Variants in IQCM observed in about 807,000 individuals in gnomAD.
The protein encoded by IQCM is IQ domain-containing protein M.
In IQCM, 45 loss-of-function variants were observed where a neutral mutation model predicts 57.6. The observed-to-expected ratio is 0.78, with a 90% confidence interval of 0.62 to 1.00. IQCM has a LOEUF of 1.00. IQCM is among the 50% of genes least tolerant of loss of function. IQCM has a pLI of 0.00. For missense variants in IQCM, 468 were observed against 511.6 expected (o/e 0.91, Z 0.82); for synonymous variants, 148 against 158.9 (o/e 0.93, Z 0.51).
intron 5 of IQCM, among the ~76,000 whole-genome samples, chr4:149,705,603 T>C (rs1580069232): frequency 1.3e-5 from 2 of 151,982 alleles, no homozygotes; most frequent in African/African-American, 4.8e-5. Context: ...AGGCAAAAAT[T>C]ATAATTTAAC....
At chr4:149,469,243 G>A (rs774872834) in intron 12 of IQCM, among the ~76,000 whole-genome samples, 10 of 152,148 alleles carry the variant, frequency 6.6e-5, no homozygotes, top group Admixed American at 2.0e-4. Context: ...TTAGACAAAT[G>A]GCTAACTAGA....
intron 7 of IQCM, among the ~76,000 whole-genome samples, chr4:149,651,431 A>G (rs978234387): frequency 1.3e-5 from 2 of 152,180 alleles, no homozygotes; most frequent in African/African-American, 4.8e-5. Flanking sequence ...GCTAGGAGAA[A>G]TAAAGGCTAA....
intron 8 of IQCM, among the ~76,000 whole-genome samples, chr4:149,616,737 C>A (rs1472831412): frequency 6.6e-6 from 1 of 151,708 alleles, no homozygotes; most frequent in Non-Finnish European, 1.5e-5. Context: ...TGGGCGGCAG[C>A]GGGGTGTGGG....
chr4:149,424,553 G>C (rs1734336600), intron 13 of IQCM, among the ~76,000 whole-genome samples: 1 of 151,560 alleles, frequency 6.6e-6, no homozygotes, highest in Admixed American at 6.6e-5. Context: ...AAGTCCACTG[G>C]ATTCACAAAA....
chr4:149,390,057 A>G (rs1197888164), intron 13 of IQCM, among the ~76,000 whole-genome samples: 1 of 152,034 alleles, frequency 6.6e-6, no homozygotes, highest in Non-Finnish European at 1.5e-5. Context: ...CAGGTTGGAG[A>G]GACCACCATC....
At chr4:149,376,151 G>C (rs1730688260) in intron 13 of IQCM, among the ~76,000 whole-genome samples, 1 of 152,094 alleles carries the variant, frequency 6.6e-6, no homozygotes, top group Non-Finnish European at 1.5e-5. Context: ...CATACATTTT[G>C]ATTTTGCTTT....
chr4:149,811,385 C>T (rs1774554555), intron 2 of IQCM, among the ~76,000 whole-genome samples: 1 of 152,056 alleles, frequency 6.6e-6, no homozygotes, highest in African/African-American at 2.4e-5. Flanking sequence ...ATGTTTGTGG[C>T]ATCATTCTAA....
chr4:149,641,966 A>T (rs1758231883), intron 7 of IQCM, among the ~76,000 whole-genome samples: 1 of 152,196 alleles, frequency 6.6e-6, no homozygotes, highest in Non-Finnish European at 1.5e-5. Context: ...TTCACTGTAG[A>T]TAAATTAACC....
intron 4 of IQCM, 67 bp from the exon 5 acceptor site, chr4:149,733,575 T>C (rs1309998353): frequency 3.9e-6 from 3 of 774,744 alleles, no homozygotes; most frequent in South Asian, 7.0e-5. Context: ...AATAAAGTTA[T>C]ATATTTTATT....
chr4:149,405,377 G>T lies in IQCM; in HGVS notation c.1390+28019C>A, dbSNP rs146598251. On this transcript the variant is annotated intron_variant, in intron 13 of 13. Transcript: ENST00000636793. Reference sequence around the variant, plus strand: ...ATTAGAGATGGAGATAAGTAAACACGCAAGAAGAACATCACACACTGGGGC... The same window carrying T: ...ATTAGAGATGGAGATAAGTAAACACTCAAGAAGAACATCACACACTGGGGC... Among the ~76,000 whole-genome samples the T allele has an allele frequency of 2.6e-3, 392 of 151,446 alleles. 4 individuals are homozygous for T. The highest frequency in any genetic ancestry group is 0.01 in the Middle Eastern group (3 of 294).
At chr4:149,797,499 G>T (rs1354497080) in intron 2 of IQCM, among the ~76,000 whole-genome samples, 1 of 152,054 alleles carries the variant, frequency 6.6e-6, no homozygotes, top group Non-Finnish European at 1.5e-5. Context: ...GGGGTGGAAA[G>T]CTTATTCAAG....
chr4:149,797,305 G>A (rs1212521829), intron 2 of IQCM, among the ~76,000 whole-genome samples: 1 of 152,060 alleles, frequency 6.6e-6, no homozygotes, highest in African/African-American at 2.4e-5. Flanking sequence ...TTCTTTAGTA[G>A]CAGAACTGAT....
intron 2 of IQCM, among the ~76,000 whole-genome samples, chr4:149,769,441 T>C (rs997212313): frequency 1.3e-5 from 2 of 151,760 alleles, no homozygotes; most frequent in Non-Finnish European, 2.9e-5. Context: ...AGCATGTTAA[T>C]GGGGCACACA....
chr4:149,388,483 T>C lies in IQCM; in HGVS notation c.1391-36417A>G, dbSNP rs538446787. ...TCTTTTCATATGCTTATTGGACACATACATATATGTCCAAATATATATATA... is the reference window on the plus strand; with the variant it reads ...TCTTTTCATATGCTTATTGGACACACACATATATGTCCAAATATATATATA... On this transcript the variant is annotated intron_variant, in intron 13 of 13. Transcript: ENST00000636793. Among the ~76,000 whole-genome samples the C allele has an allele frequency of 1.9e-3, 277 of 145,584 alleles. 2 individuals carry two copies. Among genetic ancestry groups the C allele is most frequent in the Middle Eastern group, 0.011 (3 of 276 alleles).
intron 9 of IQCM, among the ~76,000 whole-genome samples, chr4:149,568,919 G>A (rs1750893119): frequency 1.3e-5 from 2 of 152,272 alleles, no homozygotes; most frequent in African/African-American, 2.4e-5. Context: ...AAGAGGTGGA[G>A]TCTATTCACC....
intron 5 of IQCM, among the ~76,000 whole-genome samples, chr4:149,687,585 C>A (rs1409134067): frequency 6.6e-6 from 1 of 151,562 alleles, no homozygotes; most frequent in Non-Finnish European, 1.5e-5. Context: ...AAAGAGTGAA[C>A]CCTAATTCAT....
At chr4:149,795,461 C>T (rs1364016803) in intron 2 of IQCM, among the ~76,000 whole-genome samples, 1 of 152,184 alleles carries the variant, frequency 6.6e-6, no homozygotes, top group African/African-American at 2.4e-5. Flanking sequence ...CGAGCCTCAC[C>T]ACTGCAGGCT....
At chr4:149,392,292 C>T (rs750729496) in intron 13 of IQCM, among the ~76,000 whole-genome samples, 3 of 151,842 alleles carry the variant, frequency 2.0e-5, no homozygotes, top group African/African-American at 4.8e-5. Context: ...CAAAAATAAA[C>T]GGAGATACAT....
At chr4:149,572,034 A>G (rs540827450) in intron 9 of IQCM, among the ~76,000 whole-genome samples, 4 of 152,188 alleles carry the variant, frequency 2.6e-5, no homozygotes, top group South Asian at 4.1e-4. Context: ...CCTTCTTTAT[A>G]TAAGTTATTA....
Sources: gnomAD v4.1 joint callset for allele counts (sites outside exome capture counted in the v4.1 genomes callset) on GRCh38, gnomAD v4.1.1 for gene constraint, MANE v1.5 for transcripts, NCBI Gene and HGNC (gene_info 2026-07-23, HGNC 2026-07-21) for gene names.